The following BTAF1 variants were observed in gnomAD, a reference collection of about 807,000 sequenced individuals.
The protein encoded by BTAF1 is B-TFIID TATA-box binding protein associated factor 1.
BTAF1 carries 38 observed loss-of-function variants against 227.1 expected under a neutral mutation model. The ratio of observed to expected loss-of-function variants is 0.17; its 90% CI spans 0.13 to 0.22. The LOEUF is 0.22. Ranked by LOEUF, BTAF1 falls within the 10% of genes least tolerant of loss-of-function variation. The pLI is 1.00. For synonymous variants in BTAF1, 742 were observed against 751.9 expected (o/e 0.99, Z 0.21); for missense variants, 1,598 against 2,204.0 (o/e 0.73, Z 5.51).
intron 34 of BTAF1, 149 bp downstream of exon 34, chr10:92,019,084 G>A (rs1441247679): frequency 1.2e-6 from 1 of 802,316 alleles, no homozygotes; most frequent in Non-Finnish European, 1.8e-6. Flanking sequence ...TAAAAATGTG[G>A]TTAAAATATA....
Position 91,924,020 on chromosome 10 carries a change from C to A in BTAF1, c.-57C>A. 1.3e-6 allele frequency: 2 copies of A among 1,585,984 alleles called. No individual in the cohort carries two copies. The highest frequency in any genetic ancestry group is 1.4e-5 in the African/African-American group (1 of 73,648). ...CGCCGCTCAGCTCTCTGGAAACTAG[C>A]GCCTCAGCTGCGCGGCGCGTAGGTC... On this transcript the variant is annotated 5_prime_UTR_variant, in exon 1 of 38. Transcript: ENST00000265990.
chr10:91,924,048 G>T lies in BTAF1; in HGVS notation c.-29G>T. ...CTCAGCTGCGCGGCGCGTAGGTCGC[G>T]GGGAGCTCCGAACCGCCGGCGCCCG... On this transcript the variant is annotated 5_prime_UTR_variant, in exon 1 of 38. Coordinates refer to ENST00000265990, the MANE Select transcript of BTAF1 (RefSeq NM_003972.3). 1.9e-6 allele frequency: 3 copies of T among 1,604,952 alleles called. No homozygotes were observed. In the South Asian group the frequency reaches 3.4e-5, roughly 18 times the overall value.
At chr10:92,022,530 A>G (rs1261482305) in intron 34 of BTAF1, among the ~76,000 whole-genome samples, 1 of 151,840 alleles carries the variant, frequency 6.6e-6, no homozygotes, top group African/African-American at 2.4e-5. Context: ...CAATCCTTTC[A>G]CCTCAGCCTC....
At chr10:91,966,819 TG>T in intron 14 of BTAF1, 62 bp downstream of exon 14, 1 of 1,495,560 alleles carries the variant, frequency 6.7e-7, no homozygotes. Flanking sequence ...AAAATAAACC[TG>T]GTCTTTAGCT....
chr10:92,027,343 T>A, intron 37 of BTAF1, 43 bp downstream of exon 37: 6 of 1,502,214 alleles, frequency 4.0e-6, no homozygotes, highest in Non-Finnish European at 5.4e-6. Flanking sequence ...AGTCACAGGC[T>A]TCCTGTGACT....
rs754087101 is a variant in BTAF1, at chr10:91,993,674, A to G, written c.3046-20A>G. 7.0e-7 allele frequency: 1 copy of G among 1,428,764 alleles called. No individual in the cohort carries two copies. The highest frequency in any genetic ancestry group is 1.4e-5 in the African/African-American group (1 of 69,410). 88.5% of individuals were successfully genotyped at this position (1,428,764 alleles called of 1,614,324 possible). ...TGATTTTTTCTGAAATTCTGTTTTT[A>G]TCTAACATTTAATTTTAAGGCCCAG... On this transcript the variant is annotated intron_variant, in intron 21 of 37. Coordinates refer to ENST00000265990, the MANE Select transcript of BTAF1 (RefSeq NM_003972.3).
At chr10:92,013,848 A>G (rs1379578777) in intron 31 of BTAF1, 40 bp downstream of exon 31, 1 of 1,613,070 alleles carries the variant, frequency 6.2e-7, no homozygotes, top group African/African-American at 1.3e-5. Context: ...GTAAGTGAAT[A>G]TAATTTATTC....
chr10:91,932,555 G>T (rs1844339372), intron 1 of BTAF1, among the ~76,000 whole-genome samples: 1 of 152,148 alleles, frequency 6.6e-6, no homozygotes, highest in Non-Finnish European at 1.5e-5. Flanking sequence ...GCAAAGTGTT[G>T]TGCGAGACAA....
At chr10:91,965,227 A>C (rs1472857218) in intron 13 of BTAF1, among the ~76,000 whole-genome samples, 1 of 152,200 alleles carries the variant, frequency 6.6e-6, no homozygotes, top group East Asian at 1.9e-4. Flanking sequence ...AGCTGTACAA[A>C]CTAAATGAGT....
In BTAF1 at chr10:92,030,457, A is replaced by T. The variant is rs541608428; in HGVS notation, c.*1524A>T. On this transcript the variant is annotated 3_prime_UTR_variant, in exon 38 of 38. Transcript: ENST00000265990. The stretch of plus-strand genomic sequence containing the variant: ...TATGTAGAACATTTCAGTATATTTG[A>T]GTTGAATATTTTTTTATTAACTATT... The T allele has an allele frequency of 6.6e-6, 1 of 152,096 alleles. No individual in the cohort carries two copies. Among genetic ancestry groups the T allele is most frequent in the South Asian group, 2.1e-4 (1 of 4,826 alleles). 9.4% of individuals were successfully genotyped at this position (152,096 alleles called of 1,614,324 possible). A position where few individuals can be genotyped will look rare whatever the true frequency, so the allele number is the denominator to read the frequency against.
rs201138613 is a variant in BTAF1, at chr10:91,940,233, T to TA, written c.253+179dup. 0.015 allele frequency among the ~76,000 whole-genome samples: 2,120 copies of TA among 143,692 alleles called. 102 individuals are homozygous for TA. The East Asian group carries it at 0.17, about 12-fold the overall frequency. The allele number at this position is 143,692 out of a possible 152,430, so 94.3% of individuals were successfully genotyped here. The stretch of plus-strand genomic sequence containing the variant: ...TGAATAAGGTGATTTTTCACCACAT[T>TA]AAAAAAAAAAAACTACTGGATATAG... On this transcript the variant is annotated intron_variant, in intron 3 of 37. Coordinates refer to ENST00000265990, the MANE Select transcript of BTAF1 (RefSeq NM_003972.3).
Position 91,966,550 on chromosome 10 carries a change from C to T in BTAF1, c.1530-87C>T, listed in dbSNP as rs549721076. Reference sequence around the variant, plus strand: ...CAAAAAAGTCACATGGTGTCAGCATCACTAGATCCCATGAGAATATTTAGA... The same window carrying T: ...CAAAAAAGTCACATGGTGTCAGCATTACTAGATCCCATGAGAATATTTAGA... On this transcript the variant is annotated intron_variant, in intron 13 of 37. Coordinates refer to ENST00000265990, the MANE Select transcript of BTAF1 (RefSeq NM_003972.3). The T allele has an allele frequency of 1.6e-4, 221 of 1,401,544 alleles. 1 individual carries two copies. The African/African-American group carries it at 2.8e-3, about 18-fold the overall frequency. 86.8% of individuals were successfully genotyped at this position (1,401,544 alleles called of 1,614,324 possible).
chr10:91,974,865 A>ACAAAAAT (rs1435271629), intron 14 of BTAF1, among the ~76,000 whole-genome samples: 14 of 152,312 alleles, frequency 9.2e-5, no homozygotes, highest in African/African-American at 3.4e-4. Context: ...AAAACAAAAA[A>ACAAAAAT]CAACTAGTTT....
intron 14 of BTAF1, among the ~76,000 whole-genome samples, chr10:91,973,829 G>A (rs989400307): frequency 4.0e-5 from 6 of 149,900 alleles, no homozygotes; most frequent in South Asian, 4.3e-4. Flanking sequence ...GCGTGAACCC[G>A]GGAGGCGGAG....
At chr10:91,929,880 A>G (rs933348476) in intron 1 of BTAF1, among the ~76,000 whole-genome samples, 2 of 152,192 alleles carry the variant, frequency 1.3e-5, no homozygotes, top group African/African-American at 4.8e-5. Flanking sequence ...ATCCATTATA[A>G]GATGACAGAA....
intron 1 of BTAF1, among the ~76,000 whole-genome samples, chr10:91,929,403 A>C (rs1429777510): frequency 6.6e-6 from 1 of 152,246 alleles, no homozygotes; most frequent in African/African-American, 2.4e-5. Flanking sequence ...GATTTCTCAC[A>C]TATCTTTGCA....
At chr10:91,989,829 C>G (rs530235072) in intron 20 of BTAF1, among the ~76,000 whole-genome samples, 2 of 152,308 alleles carry the variant, frequency 1.3e-5, no homozygotes, top group Admixed American at 6.5e-5. Context: ...TGACTGAAAT[C>G]TGTAAGACAG....
chr10:91,981,625 C>T lies in BTAF1; in HGVS notation c.1756-18C>T, dbSNP rs1848070562. 2 of 1,555,350 alleles carry T rather than the reference C, an allele frequency of 1.3e-6. No homozygotes were observed. Among genetic ancestry groups the T allele is most frequent in the East Asian group, 2.3e-5 (1 of 43,810 alleles). ...TATTAGAAAAAATTCACTTTCATGT[C>T]CCCCTTTTACCCTGCAGGTTTGGAT... On this transcript the variant is annotated intron_variant, in intron 15 of 37. Coordinates refer to ENST00000265990, the MANE Select transcript of BTAF1 (RefSeq NM_003972.3).
In BTAF1 at chr10:92,030,747, A is replaced by AGTG; in HGVS notation, c.*1814_*1815insGTG. Among the ~76,000 whole-genome samples the AGTG allele has an allele frequency of 6.6e-6, 1 of 152,178 alleles. No individual in the cohort carries two copies. The highest frequency in any genetic ancestry group is 1.5e-5 in the Non-Finnish European group (1 of 68,012). On this transcript the variant is annotated 3_prime_UTR_variant, in exon 38 of 38. Coordinates refer to ENST00000265990, the MANE Select transcript of BTAF1 (RefSeq NM_003972.3). ...GAAAAATGATGTGTGGTTGCTTCTG[A>AGTG]ATGGGAAACAGGAGTCAGAGCTGAC...
Sources: gnomAD v4.1 joint callset for allele counts (sites outside exome capture counted in the v4.1 genomes callset) on GRCh38, gnomAD v4.1.1 for gene constraint, MANE v1.5 for transcripts, NCBI Gene and HGNC (gene_info 2026-07-23, HGNC 2026-07-21) for gene names.